POU6F1: variants seen among roughly 807,000 people sequenced by gnomAD.
POU6F1 encodes the protein POU class 6 homeobox 1.
POU6F1 carries 9 observed loss-of-function variants against 28.9 expected under a neutral mutation model. That is an observed-to-expected ratio of 0.31 (90% CI 0.19 to 0.54). The LOEUF (loss-of-function observed/expected upper bound fraction) is 0.54. Among genes scored for constraint, POU6F1 ranks in the 20% least tolerant of loss-of-function variants. The pLI, the probability that POU6F1 is intolerant of heterozygous loss-of-function variation, is 0.94. For missense variants in POU6F1, 338 were observed against 426.1 expected (o/e 0.79, Z 1.82); for synonymous variants, 173 against 171.1 (o/e 1.01, Z -0.09).
Position 51,205,033 on chromosome 12 carries a change from G to GTTTTTT in POU6F1, c.49-666_49-665insAAAAAA, listed in dbSNP as rs1565624178. ...TGCCTGGCACCGCTCCTGGACTGCAGCTTTTTTTTTTTTTTTTTTTTTTGA... is the reference window on the plus strand; with the variant it reads ...TGCCTGGCACCGCTCCTGGACTGCAGTTTTTTCTTTTTTTTTTTTTTTTTTTTTTGA... On this transcript the variant is annotated intron_variant, in intron 2 of 10. Transcript: ENST00000333640. Among the ~76,000 whole-genome samples the GTTTTTT allele has an allele frequency of 5.3e-4, 75 of 140,768 alleles. 1 individual carries two copies. The highest frequency in any genetic ancestry group is 1.8e-3 in the African/African-American group (69 of 37,582). 92.3% of individuals were successfully genotyped at this position (140,768 alleles called of 152,430 possible).
intron 2 of POU6F1, 26 bp from the exon 3 acceptor site, chr12:51,204,394 T>C (rs1311893267): frequency 7.5e-6 from 3 of 398,888 alleles, no homozygotes; most frequent in Non-Finnish European, 1.3e-5. Flanking sequence ...AGGGGCACTG[T>C]TGGGATAGGG....
In POU6F1 at chr12:51,188,022, G is replaced by A. The variant is rs1043529886; in HGVS notation, c.*2225C>T. 6.6e-6 allele frequency: 1 copy of A among 152,090 alleles called. No individual in the cohort carries two copies. Among genetic ancestry groups the A allele is most frequent in the African/African-American group, 2.4e-5 (1 of 41,388 alleles). The allele number at this position is 152,090 out of a possible 1,614,324, so 9.4% of individuals were successfully genotyped here. On this transcript the variant is annotated 3_prime_UTR_variant, in exon 11 of 11. Coordinates refer to ENST00000333640, the MANE Select transcript of POU6F1 (RefSeq NM_001330422.2). ...GATCTCAGCTCATTGCAACCTCCAG[G>A]GTTCAAGCAATTCTCCTGCCTCCAC...
intron 1 of POU6F1, chr12:51,207,401 T>A (rs1281268999): frequency 2.0e-5 from 3 of 152,140 alleles, no homozygotes; most frequent in African/African-American, 4.8e-5. Context: ...ACATCTGGGC[T>A]TAGGGTGAGG....
intron 4 of POU6F1, 94 bp from the exon 5 acceptor site, chr12:51,198,869 C>A (rs563248923): frequency 6.8e-5 from 27 of 397,544 alleles, no homozygotes; most frequent in Non-Finnish European, 9.7e-5. Flanking sequence ...CAGCTGAGCA[C>A]AAACAAAGCA....
rs1943662509 is a variant in POU6F1 at position 51,206,849 on chromosome 12, G to C, written c.-13C>G. The stretch of plus-strand genomic sequence containing the variant: ...CTCCAGGATCCATGGTCACTTGTCA[G>C]GGTCGGGTGGGGGCCGGCCCACACC... On this transcript the variant is annotated 5_prime_UTR_variant, in exon 2 of 11. Coordinates refer to ENST00000333640, the MANE Select transcript of POU6F1 (RefSeq NM_001330422.2). 2 of 398,682 alleles carry C rather than the reference G, an allele frequency of 5.0e-6. No individual in the cohort carries two copies. The highest frequency in any genetic ancestry group is 8.8e-6 in the Non-Finnish European group (2 of 226,070). The allele number at this position is 398,682 out of a possible 1,614,324, so 24.7% of individuals were successfully genotyped here. A position where few individuals can be genotyped will look rare whatever the true frequency, so the allele number is the denominator to read the frequency against.
At chr12:51,208,123 A>C (rs2137202444) in intron 1 of POU6F1, among the ~76,000 whole-genome samples, 1 of 151,792 alleles carries the variant, frequency 6.6e-6, no homozygotes, top group Admixed American at 6.5e-5. Context: ...AAAAAAAAAA[A>C]AAAAAATTAG....
At chr12:51,197,623 C>CTGGCAG (rs1942923082) in intron 6 of POU6F1, 147 bp downstream of exon 6, 1 of 397,354 alleles carries the variant, frequency 2.5e-6, no homozygotes, top group African/African-American at 2.1e-5. Context: ...AAGGAGAAGG[C>CTGGCAG]CTCAGAGGGA....
At position 51,189,467 on chromosome 12, in the gene POU6F1, T is replaced by C. The variant is rs773875028; in HGVS notation, c.*780A>G. The C allele has an allele frequency of 9.9e-5, 15 of 152,220 alleles. No homozygotes were observed. The highest frequency in any genetic ancestry group is 1.9e-4 in the Non-Finnish European group (13 of 68,046). The allele number at this position is 152,220 out of a possible 1,614,324, so 9.4% of individuals were successfully genotyped here. A position where few individuals can be genotyped will look rare whatever the true frequency, so the allele number is the denominator to read the frequency against. ...AAAATATGAAAGAACAGCCTTATTT[T>C]CTAAATTCCCAACCTTCTGCAGACC... On this transcript the variant is annotated 3_prime_UTR_variant, in exon 11 of 11. Coordinates refer to ENST00000333640, the MANE Select transcript of POU6F1 (RefSeq NM_001330422.2).
chr12:51,192,549 C>T (rs535605200), intron 8 of POU6F1, 78 bp from the exon 9 acceptor site: 11 of 1,548,774 alleles, frequency 7.1e-6, no homozygotes, highest in South Asian at 4.8e-5. Flanking sequence ...GGACCAGAGG[C>T]AGGGCAAAAA....
chr12:51,206,838 G>T lies in POU6F1; in HGVS notation c.-2C>A. 2.5e-6 allele frequency: 1 copy of T among 398,840 alleles called. No individual in the cohort carries two copies. Among genetic ancestry groups the T allele is most frequent in the Non-Finnish European group, 4.4e-6 (1 of 226,062 alleles). The allele number at this position is 398,840 out of a possible 1,614,324, so 24.7% of individuals were successfully genotyped here. On this transcript the variant is annotated 5_prime_UTR_variant, in exon 2 of 11. Coordinates refer to ENST00000333640, the MANE Select transcript of POU6F1 (RefSeq NM_001330422.2). ...CTCTGACCCGGCTCCAGGATCCATG[G>T]TCACTTGTCAGGGTCGGGTGGGGGC...
rs1395441362 is a variant in POU6F1, at chr12:51,187,143, A to G, written c.*3104T>C. The stretch of plus-strand genomic sequence containing the variant: ...GGATTTCCAAGAACACAAAAATGTC[A>G]GAGTCTCGCATTCCAAACTCGTGTG... On this transcript the variant is annotated 3_prime_UTR_variant, in exon 11 of 11. Coordinates refer to ENST00000333640, the MANE Select transcript of POU6F1 (RefSeq NM_001330422.2). The G allele has an allele frequency of 6.6e-6, 1 of 152,192 alleles. No individual in the cohort carries two copies. The highest frequency in any genetic ancestry group is 1.5e-5 in the Non-Finnish European group (1 of 68,032). The allele number at this position is 152,192 out of a possible 1,614,324, so 9.4% of individuals were successfully genotyped here. A position where few individuals can be genotyped will look rare whatever the true frequency, so the allele number is the denominator to read the frequency against.
chr12:51,205,879 C>T (rs1411258796), intron 2 of POU6F1, among the ~76,000 whole-genome samples: 1 of 146,086 alleles, frequency 6.8e-6, no homozygotes, highest in African/African-American at 2.5e-5. Context: ...AGTTCAGTGG[C>T]GCGATCTCGG....
rs757652919 is a variant in POU6F1, at chr12:51,192,464, G to C, written c.1187C>G (p.Pro396Arg). 8 of 1,613,026 alleles carry C rather than the reference G, an allele frequency of 5.0e-6. No individual in the cohort carries two copies. In the South Asian group the frequency reaches 8.8e-5, roughly 18 times the overall value. The change falls in exon 9 of 11, where the codon CCC (proline) becomes CGC (arginine). Residue 396 changes from proline (P) to arginine (R), a missense_variant. Physicochemically the swap from Pro to Arg is moderately radical, Grantham distance 103. Around this residue, in one of 3 missense-constraint regions of POU6F1, gnomAD observed 206 missense variants for 225.6 expected, o/e 0.91. Coordinates refer to ENST00000333640, the MANE Select transcript of POU6F1 (RefSeq NM_001330422.2). The stretch of plus-strand genomic sequence containing the variant: ...GGGCACGGTTGGTGTGGGCTGGATG[G>C]GCTGCACCTGTGAAAGGACAGACAA... ...PESPAKSEVQPIQPTPTVPQP... is the reference protein window; with the variant it reads ...PESPAKSEVQRIQPTPTVPQP...
intron 6 of POU6F1, 99 bp downstream of exon 6, chr12:51,197,671 C>T (rs1057119772): frequency 1.0e-5 from 4 of 396,318 alleles, no homozygotes; most frequent in East Asian, 3.6e-5. Context: ...GGGCTGTTTT[C>T]GGGGGGGGCT....
Position 51,191,741 on chromosome 12 carries a change from CATCCAGACTTG to C in POU6F1, c.1334_1344del (p.Pro445ArgfsTer17). The C allele has an allele frequency of 6.2e-7, 1 of 1,614,220 alleles. No individual in the cohort carries two copies. The highest frequency in any genetic ancestry group is 8.5e-7 in the Non-Finnish European group (1 of 1,180,046). ...ATCTCTTCTAAGTTGATCCCATCCT[CATCCAGACTTG>C]GAGTATGTGGCTCTAGGCCAGAGGG... On this transcript the variant is annotated frameshift_variant, in exon 10 of 11. Coordinates refer to ENST00000333640, the MANE Select transcript of POU6F1 (RefSeq NM_001330422.2). LOFTEE classifies it high-confidence loss of function.
chr12:51,186,943 GA>G lies in POU6F1; in HGVS notation c.*3303del, dbSNP rs532539335. On this transcript the variant is annotated 3_prime_UTR_variant, in exon 11 of 11. Coordinates refer to ENST00000333640, the MANE Select transcript of POU6F1 (RefSeq NM_001330422.2). ...AGGAAACAAGCAGACCAGTACAAAA[GA>G]AAAAATACTGTTTATTCCACACAAC... 1.3e-5 allele frequency: 2 copies of G among 152,142 alleles called. No homozygotes were observed. The highest frequency in any genetic ancestry group is 2.4e-5 in the African/African-American group (1 of 41,434). The allele number at this position is 152,142 out of a possible 1,614,324, so 9.4% of individuals were successfully genotyped here. A position where few individuals can be genotyped will look rare whatever the true frequency, so the allele number is the denominator to read the frequency against.
At chr12:51,206,467 G>A (rs1372238516) in intron 2 of POU6F1, among the ~76,000 whole-genome samples, 2 of 135,102 alleles carry the variant, frequency 1.5e-5, no homozygotes, top group Non-Finnish European at 3.0e-5. Flanking sequence ...ATAAGTAATA[G>A]TAATTTGCAA....
At chr12:51,198,345 C>A (rs1022549365) in intron 5 of POU6F1, among the ~76,000 whole-genome samples, 1 of 152,176 alleles carries the variant, frequency 6.6e-6, no homozygotes, top group Admixed American at 6.5e-5. Context: ...GTACGGCAGG[C>A]CTGCGGGGCC....
At chr12:51,215,804 C>T (rs1944258654) in intron 1 of POU6F1, among the ~76,000 whole-genome samples, 1 of 151,978 alleles carries the variant, frequency 6.6e-6, no homozygotes, top group South Asian at 2.1e-4. Context: ...AGAGGTAATC[C>T]CTATAAGCCT....
Sources: allele counts gnomAD v4.1 joint callset (sites outside exome capture counted in the v4.1 genomes callset), GRCh38; gene constraint gnomAD v4.1.1; regional missense constraint gnomAD v4.1.1; transcripts MANE v1.5; gene names NCBI Gene and HGNC (gene_info 2026-07-23, HGNC 2026-07-21).